The following SH3RF1 variants were observed in gnomAD, a reference collection of about 807,000 sequenced individuals.
SH3RF1 encodes SH3 domain containing ring finger 1, also known as E3 ubiquitin-protein ligase SH3RF1.
In SH3RF1, 32 loss-of-function variants were observed where a neutral mutation model predicts 74.0. The observed-to-expected ratio is 0.43, with a 90% CI of 0.33 to 0.58. The LOEUF (loss-of-function observed/expected upper bound fraction) is 0.58, where lower values mean the gene tolerates loss of function less well. Among genes scored for constraint, SH3RF1 ranks in the 20% least tolerant of loss-of-function variants. The probability of loss-of-function intolerance (pLI) is 0.05; values close to 1 mark genes in which losing one functional copy is unlikely to be tolerated. For synonymous variants in SH3RF1, 396 were observed against 439.6 expected, an observed-to-expected ratio of 0.90 and a Z score of 1.24; for missense variants, 954 against 1,130.9, an observed-to-expected ratio of 0.84 and a Z score of 2.24.
At chr4:169,190,694 A>G (rs1428019674) in intron 2 of SH3RF1, among the ~76,000 whole-genome samples, 1 of 152,242 alleles carries the variant, frequency 6.6e-6, no homozygotes. Context: ...AAGACAGAGA[A>G]AGAGGGAACC....
intron 2 of SH3RF1, among the ~76,000 whole-genome samples, chr4:169,187,260 G>A (rs923849254): frequency 1.3e-5 from 2 of 152,202 alleles, no homozygotes; most frequent in Admixed American, 1.3e-4. Flanking sequence ...GCGCAGTGGT[G>A]TAATCTTGGC....
In SH3RF1 at chr4:169,106,999, C is replaced by T. The variant is rs141781469; in HGVS notation, c.2346G>A (p.Thr782=). ...SCPVDGDGPV[T]TAVAGAALAQ... is the part of the protein sequence containing the mutation. Reference sequence around the variant, plus strand: ...CCAGGGCTGCTCCTGCCACTGCAGTCGTGACCGGTCCGTCCCCGTCCACAG... The same window carrying T: ...CCAGGGCTGCTCCTGCCACTGCAGTTGTGACCGGTCCGTCCCCGTCCACAG... Residue 782 remains threonine, a synonymous_variant, in exon 11 of 12, where the codon ACG becomes ACA. Coordinates refer to ENST00000284637, the MANE Select transcript of SH3RF1 (RefSeq NM_020870.4). 5.0e-6 allele frequency: 8 copies of T among 1,613,826 alleles called. No individual in the cohort carries two copies. Among genetic ancestry groups the T allele is most frequent in the South Asian group, 1.1e-5 (1 of 91,068 alleles).
At position 169,134,230 on chromosome 4, in the gene SH3RF1, G is replaced by A. The variant is rs538802685; in HGVS notation, c.1068+2088C>T. Among the ~76,000 whole-genome samples, 3 of 152,314 alleles carry A rather than the reference G, an allele frequency of 2.0e-5. No individual in the cohort carries two copies. In the South Asian group the frequency reaches 6.2e-4, roughly 32 times the overall value. On this transcript the variant is annotated intron_variant, in intron 5 of 11. Coordinates refer to ENST00000284637, the MANE Select transcript of SH3RF1 (RefSeq NM_020870.4). ...ATATGGAAGGAGGGGTGGAATGGTTGAAGGGGAAACTTTTAATGGAACACA... is the reference window on the plus strand; with the variant it reads ...ATATGGAAGGAGGGGTGGAATGGTTAAAGGGGAAACTTTTAATGGAACACA...
chr4:169,214,758 G>A lies in SH3RF1; in HGVS notation c.393+54062C>T, dbSNP rs144221789. 3.1e-4 allele frequency among the ~76,000 whole-genome samples: 47 copies of A among 152,074 alleles called. 1 individual carries two copies. In the East Asian group the frequency reaches 8.3e-3, roughly 27 times the overall value. On this transcript the variant is annotated intron_variant, in intron 2 of 11. Transcript: ENST00000284637. The stretch of plus-strand genomic sequence containing the variant: ...GTGTTTTTAACTTCTAGTTTCATTT[G>A]TTGATGCCATATAGAAAAGTGATTG...
intron 2 of SH3RF1, among the ~76,000 whole-genome samples, chr4:169,261,981 C>A (rs959162016): frequency 6.6e-6 from 1 of 151,794 alleles, no homozygotes; most frequent in Non-Finnish European, 1.5e-5. Context: ...GAGAAAAATA[C>A]TATGAAGAAA....
At chr4:169,130,537 T>G (rs969511931) in intron 5 of SH3RF1, among the ~76,000 whole-genome samples, 2 of 152,172 alleles carry the variant, frequency 1.3e-5, no homozygotes, top group Non-Finnish European at 2.9e-5. Context: ...CCTGTTAAGG[T>G]GGGTAGTGGC....
At chr4:169,100,278 T>A (rs531599836) in intron 11 of SH3RF1, among the ~76,000 whole-genome samples, 1 of 152,238 alleles carries the variant, frequency 6.6e-6, no homozygotes, top group African/African-American at 2.4e-5. Context: ...CTGCATCCCA[T>A]CCACTCCTCT....
Position 169,122,172 on chromosome 4 carries a change from C to CCAGCAG in SH3RF1, c.1268_1273dup (p.Ala423_Ala424dup), listed in dbSNP as rs750783750. ...TCCTGCCATGGGCCTCGGTCCCATTCCAGCAGCAGCAGCAGCGGCGGTGGC... is the reference window on the plus strand; with the variant it reads ...TCCTGCCATGGGCCTCGGTCCCATTCCAGCAGCAGCAGCAGCAGCAGCGGCGGTGGC... On this transcript the variant is annotated inframe_insertion, in exon 7 of 12. Coordinates refer to ENST00000284637, the MANE Select transcript of SH3RF1 (RefSeq NM_020870.4). The CCAGCAG allele has an allele frequency of 7.4e-6, 12 of 1,613,234 alleles. No homozygotes were observed. Among genetic ancestry groups the CCAGCAG allele is most frequent in the East Asian group, 2.2e-5 (1 of 44,894 alleles).
chr4:169,199,028 A>G (rs190716760), intron 2 of SH3RF1, among the ~76,000 whole-genome samples: 101 of 152,334 alleles, frequency 6.6e-4, no homozygotes, highest in Non-Finnish European at 1.2e-4. Flanking sequence ...TCTGAGTTGT[A>G]AGAAGGAAAA....
At chr4:169,110,339 G>A (rs1470782028) in intron 10 of SH3RF1, among the ~76,000 whole-genome samples, 1 of 152,080 alleles carries the variant, frequency 6.6e-6, no homozygotes, top group African/African-American at 2.4e-5. Context: ...GTGACAGAGT[G>A]AGACCTCGTT....
In SH3RF1 at chr4:169,156,413, T is replaced by A. The variant is rs780450011; in HGVS notation, c.660A>T (p.Pro220=). The change falls in exon 3 of 12, where the codon CCA becomes CCT. Residue 220 remains proline, a synonymous_variant. Transcript: ENST00000284637. The stretch of plus-strand genomic sequence containing the variant: ...CACATTCTACCTTTACCTTTGCAAA[T>A]GGAAGGCAATCTTTGTCTGCTTCCT... ...KDKEADKDCL[P]FAKDDVLTVI... is the part of the protein sequence containing the mutation. The A allele has an allele frequency of 6.3e-7, 1 of 1,589,868 alleles. No individual in the cohort carries two copies. The highest frequency in any genetic ancestry group is 8.6e-7 in the Non-Finnish European group (1 of 1,164,512).
intron 2 of SH3RF1, among the ~76,000 whole-genome samples, chr4:169,192,880 T>G (rs147460447): frequency 0.051 from 7,428 of 145,322 alleles, 313 homozygotes; most frequent in Admixed American, 0.15. Flanking sequence ...ATATCATATA[T>G]ATGTGATATG....
intron 2 of SH3RF1, among the ~76,000 whole-genome samples, chr4:169,174,641 C>A (rs1265438618): frequency 6.6e-6 from 1 of 152,122 alleles, no homozygotes; most frequent in Non-Finnish European, 1.5e-5. Flanking sequence ...AAGATGATCT[C>A]ATCTATTTCC....
At position 169,206,011 on chromosome 4, in the gene SH3RF1, T is replaced by C. The variant is rs143223047; in HGVS notation, c.394-49332A>G. 1.6e-4 allele frequency among the ~76,000 whole-genome samples: 24 copies of C among 152,342 alleles called. No individual in the cohort carries two copies. The South Asian group carries it at 2.9e-3, about 18-fold the overall frequency. ...AAAACAATATATTCATATTTTTAAC[T>C]GATAGTTTTAAATGGAATACATAGT... On this transcript the variant is annotated intron_variant, in intron 2 of 11. Transcript: ENST00000284637.
At chr4:169,224,795 A>G (rs1231455086) in intron 2 of SH3RF1, among the ~76,000 whole-genome samples, 5 of 152,206 alleles carry the variant, frequency 3.3e-5, no homozygotes, top group Non-Finnish European at 7.3e-5. Context: ...TTGAAGACTG[A>G]GCCATCAGGA....
intron 8 of SH3RF1, among the ~76,000 whole-genome samples, chr4:169,119,712 T>C (rs1250018968): frequency 6.6e-6 from 1 of 152,182 alleles, no homozygotes; most frequent in Non-Finnish European, 1.5e-5. Flanking sequence ...GCAACAACAG[T>C]GATTTTCATT....
intron 2 of SH3RF1, among the ~76,000 whole-genome samples, chr4:169,200,014 T>C (rs904810428): frequency 6.6e-6 from 1 of 152,074 alleles, no homozygotes; most frequent in Admixed American, 6.6e-5. Context: ...CTAAATAAAG[T>C]TATGTACTAC....
At chr4:169,099,513 T>C (rs1388882432) in intron 11 of SH3RF1, among the ~76,000 whole-genome samples, 2 of 152,226 alleles carry the variant, frequency 1.3e-5, no homozygotes, top group Non-Finnish European at 1.5e-5. Flanking sequence ...AATGATGTAG[T>C]TGCCATGTGG....
intron 2 of SH3RF1, among the ~76,000 whole-genome samples, chr4:169,256,449 G>A (rs569464697): frequency 6.6e-6 from 1 of 152,334 alleles, no homozygotes; most frequent in South Asian, 2.1e-4. Flanking sequence ...ACTATCTTAT[G>A]TAGTCACTAA....
Sources: gnomAD v4.1 joint callset for allele counts (sites outside exome capture counted in the v4.1 genomes callset) on GRCh38, gnomAD v4.1.1 for gene constraint, MANE v1.5 for transcripts, NCBI Gene and HGNC (gene_info 2026-07-23, HGNC 2026-07-21) for gene names.